The following ACOT7 variants were observed in gnomAD, a reference collection of about 807,000 sequenced individuals.
ACOT7 encodes acyl-CoA thioesterase 7, also known as cytosolic acyl coenzyme A thioester hydrolase.
A neutral mutation model predicts 40.2 loss-of-function variants in ACOT7; 12 were observed. The observed-to-expected ratio is 0.30, with a 90% CI of 0.19 to 0.48. ACOT7 has a LOEUF of 0.48. Among genes scored for constraint, ACOT7 ranks in the 20% least tolerant of loss-of-function variants. ACOT7 has a pLI of 0.99. For missense variants in ACOT7, 395 were observed against 530.8 expected (o/e 0.74, Z 2.51); for synonymous variants, 228 against 219.5 (o/e 1.04, Z -0.34).
rs1421910610 is a variant in ACOT7 at position 6,382,264 on chromosome 1, C to T, written c.143+10993G>A. ...ACTAAAAATACAAAAATTAGCTGGG[C>T]GTGGTGGCGGGCACCTGTAGTCCCA... On this transcript the variant is annotated intron_variant, in intron 1 of 8. Transcript: ENST00000361521. Among the ~76,000 whole-genome samples, 3 of 151,560 alleles carry T rather than the reference C, an allele frequency of 2.0e-5. No homozygotes were observed. The East Asian group carries it at 5.8e-4, about 29-fold the overall frequency.
chr1:6,305,032 C>T (rs1217358492), intron 6 of ACOT7, among the ~76,000 whole-genome samples: 1 of 150,146 alleles, frequency 6.7e-6, no homozygotes, highest in African/African-American at 2.5e-5. Flanking sequence ...CGCTGACCCC[C>T]CCGCCTCCCT....
intron 5 of ACOT7, among the ~76,000 whole-genome samples, chr1:6,322,168 G>A (rs1640664227): frequency 7.0e-6 from 1 of 142,900 alleles, no homozygotes; most frequent in Non-Finnish European, 1.5e-5. Flanking sequence ...CTGTTGGTTG[G>A]CTTTGAGATC....
rs1640157204 is a variant in ACOT7 at position 6,306,351 on chromosome 1, G to C, written c.713-11371C>G. On this transcript the variant is annotated intron_variant, in intron 6 of 8. Coordinates refer to ENST00000361521, the MANE Select transcript of ACOT7 (RefSeq NM_007274.4). The surrounding 1 kb of genome is among the most constrained non-coding windows in gnomAD (Gnocchi z 4.3). ...TGCTGGCCACCAGGGACCCGGCTGA[G>C]AGGAGGACCCAGTGTGGGCAGGACA... The C allele has an allele frequency of 2.0e-6, 2 of 985,322 alleles. No homozygotes were observed. Among genetic ancestry groups the C allele is most frequent in the Admixed American group, 6.1e-5 (1 of 16,274 alleles). The allele number at this position is 985,322 out of a possible 1,614,324, so 61.0% of individuals were successfully genotyped here. A position where few individuals can be genotyped will look rare whatever the true frequency, so the allele number is the denominator to read the frequency against.
In ACOT7 at chr1:6,274,105, G is replaced by C. The variant is rs908898467; in HGVS notation, c.1014+6997C>G. Among the ~76,000 whole-genome samples, 8 of 152,184 alleles carry C rather than the reference G, an allele frequency of 5.3e-5. No individual in the cohort carries two copies. The highest frequency in any genetic ancestry group is 1.2e-4 in the Non-Finnish European group (8 of 68,024). On this transcript the variant is annotated intron_variant, in intron 8 of 8. Transcript: ENST00000361521. The surrounding 1 kb of genome is among the most constrained non-coding windows in gnomAD (Gnocchi z 5.9). ...CAGGCCCCTCTGCACACCGTGCCTG[G>C]GGGTCAGGCAGGTCCTGGGGGTGGG...
rs1439332618 is a variant in ACOT7, at chr1:6,293,925, C to A, written c.829+939G>T. ...GCAGTAGCAGCTGCCGGAGACAGCACCAAGGCTGGGCTACCCGGGGCCTGG... is the reference window on the plus strand; with the variant it reads ...GCAGTAGCAGCTGCCGGAGACAGCAACAAGGCTGGGCTACCCGGGGCCTGG... On this transcript the variant is annotated intron_variant, in intron 7 of 8. Transcript: ENST00000361521. Among the ~76,000 whole-genome samples, 12 of 152,200 alleles carry A rather than the reference C, an allele frequency of 7.9e-5. No individual in the cohort carries two copies. The East Asian group carries it at 2.3e-3, about 29-fold the overall frequency.
rs1325290181 is a variant in ACOT7 at position 6,389,348 on chromosome 1, G to C, written c.143+3909C>G. Among the ~76,000 whole-genome samples the C allele has an allele frequency of 2.0e-5, 3 of 152,110 alleles. No individual in the cohort carries two copies. The East Asian group carries it at 5.8e-4, about 29-fold the overall frequency. Reference sequence around the variant, plus strand: ...AGCATGCCAAGTTATCTGCCTGCTGGGTGGTGTCCATGCCAAGGTCCCCCT... The same window carrying C: ...AGCATGCCAAGTTATCTGCCTGCTGCGTGGTGTCCATGCCAAGGTCCCCCT... On this transcript the variant is annotated intron_variant, in intron 1 of 8. Coordinates refer to ENST00000361521, the MANE Select transcript of ACOT7 (RefSeq NM_007274.4).
intron 8 of ACOT7, among the ~76,000 whole-genome samples, chr1:6,266,440 T>A (rs1638853272): frequency 6.6e-6 from 1 of 152,272 alleles, no homozygotes; most frequent in African/African-American, 2.4e-5. Flanking sequence ...AACTTTTAAG[T>A]GCATCTGAGT....
Position 6,330,643 on chromosome 1 carries a change from G to A in ACOT7, c.510+2834C>T, listed in dbSNP as rs1274365953. On this transcript the variant is annotated intron_variant, in intron 4 of 8. Coordinates refer to ENST00000361521, the MANE Select transcript of ACOT7 (RefSeq NM_007274.4). This position sits in a 1 kb window ranked among gnomAD's most constrained non-coding sequence, Gnocchi z 4.6. ...GTGGGAGGGAGGGAGCTAATTACTG[G>A]GCAAGGAGAGGCGAGGCTAACAGGG... Among the ~76,000 whole-genome samples the A allele has an allele frequency of 6.6e-6, 1 of 152,160 alleles. No individual in the cohort carries two copies. Among genetic ancestry groups the A allele is most frequent in the Admixed American group, 6.5e-5 (1 of 15,272 alleles).
Position 6,282,824 on chromosome 1 carries a change from C to T in ACOT7, c.830-1538G>A, listed in dbSNP as rs1383133890. The T allele has an allele frequency of 1.1e-5, 14 of 1,302,148 alleles. No individual in the cohort carries two copies. Among genetic ancestry groups the T allele is most frequent in the African/African-American group, 1.5e-5 (1 of 65,832 alleles). The allele number at this position is 1,302,148 out of a possible 1,614,324, so 80.7% of individuals were successfully genotyped here. On this transcript the variant is annotated intron_variant, in intron 7 of 8. Transcript: ENST00000361521. This position sits in a 1 kb window ranked among gnomAD's most constrained non-coding sequence, Gnocchi z 4.5. Reference sequence around the variant, plus strand: ...GTAAGGTACAGAGTCCCATGCAAAGCGCCCGCAGTCACAAGACGCACCCCG... The same window carrying T: ...GTAAGGTACAGAGTCCCATGCAAAGTGCCCGCAGTCACAAGACGCACCCCG...
chr1:6,337,312 G>A (rs3789482), intron 3 of ACOT7, among the ~76,000 whole-genome samples: 35,108 of 152,134 alleles, frequency 0.23, 4,814 homozygotes, highest in African/African-American at 0.39. Flanking sequence ...CGCCTGCCTT[G>A]GCTCTGCACA....
At chr1:6,277,075 C>T (rs1639217821) in intron 8 of ACOT7, among the ~76,000 whole-genome samples, 1 of 152,194 alleles carries the variant, frequency 6.6e-6, no homozygotes, top group Non-Finnish European at 1.5e-5. Context: ...GGCGCGGCCC[C>T]AAAAGCCTCC....
intron 1 of ACOT7, among the ~76,000 whole-genome samples, chr1:6,387,070 G>C (rs778344283): frequency 1.1e-4 from 17 of 152,074 alleles, no homozygotes; most frequent in Non-Finnish European, 2.2e-4. Context: ...AGGGCTACGG[G>C]GACACAGGAG....
At chr1:6,363,539 A>G (rs1421549796) in intron 1 of ACOT7, among the ~76,000 whole-genome samples, 1 of 152,150 alleles carries the variant, frequency 6.6e-6, no homozygotes, top group Non-Finnish European at 1.5e-5. Flanking sequence ...TGCCTTTTAG[A>G]TAACAGTAGC....
chr1:6,332,935 G>C (rs1304404496), intron 4 of ACOT7, among the ~76,000 whole-genome samples: 2 of 152,198 alleles, frequency 1.3e-5, no homozygotes, highest in Non-Finnish European at 2.9e-5. Context: ...CCCCAGCAGG[G>C]GACAAGAAGG....
At chr1:6,332,429 C>T (rs1229600454) in intron 4 of ACOT7, among the ~76,000 whole-genome samples, 1 of 152,220 alleles carries the variant, frequency 6.6e-6, no homozygotes, top group Non-Finnish European at 1.5e-5. Context: ...CAACGTCTCC[C>T]CTCCAGGAGT....
chr1:6,380,022 T>C (rs558541414), intron 1 of ACOT7, among the ~76,000 whole-genome samples: 3 of 151,300 alleles, frequency 2.0e-5, no homozygotes, highest in Non-Finnish European at 4.4e-5. Flanking sequence ...ACTGAGATCA[T>C]GCCACTGCAC....
At chr1:6,296,175 G>A (rs1028247323) in intron 6 of ACOT7, among the ~76,000 whole-genome samples, 4 of 151,962 alleles carry the variant, frequency 2.6e-5, no homozygotes, top group Non-Finnish European at 5.9e-5. Context: ...GATTACAGTC[G>A]TGCTACTGAG....
chr1:6,356,694 G>A (rs1276327140), intron 1 of ACOT7, among the ~76,000 whole-genome samples: 3 of 151,996 alleles, frequency 2.0e-5, no homozygotes, highest in Non-Finnish European at 4.4e-5. Flanking sequence ...CGAGGCGGGC[G>A]GATCATGAGG....
chr1:6,385,595 A>C (rs1642424358), intron 1 of ACOT7: 1 of 1,612,288 alleles, frequency 6.2e-7, no homozygotes, highest in African/African-American at 1.3e-5. Flanking sequence ...ATCCCTGGCC[A>C]GCCACCAGCC....
Sources: allele counts gnomAD v4.1 joint callset (sites outside exome capture counted in the v4.1 genomes callset), GRCh38; gene constraint gnomAD v4.1.1; non-coding constraint Gnocchi (gnomAD v3.1); transcripts MANE v1.5; gene names NCBI Gene and HGNC (gene_info 2026-07-23, HGNC 2026-07-21).